Variants in AK5 observed in about 807,000 individuals in gnomAD.
AK5 encodes adenylate kinase isoenzyme 5.
AK5 carries 27 observed loss-of-function variants against 69.5 expected under a neutral mutation model. That is an observed-to-expected ratio of 0.39 (90% CI 0.29 to 0.54). The LOEUF (loss-of-function observed/expected upper bound fraction) is 0.54. AK5 is among the 20% of genes least tolerant of loss of function. The pLI is 0.71. For missense variants in AK5, 531 were observed against 700.4 expected, an observed-to-expected ratio of 0.76 and a Z score of 2.73; for synonymous variants, 260 against 244.4, an observed-to-expected ratio of 1.06 and a Z score of -0.60.
intron 6 of AK5, among the ~76,000 whole-genome samples, chr1:77,368,245 A>ATATTATATATATATGTTATATATAT (rs1553140333): frequency 1.5e-5 from 1 of 67,906 alleles, no homozygotes; most frequent in Non-Finnish European, 2.9e-5. Flanking sequence ...ATATATATAT[A>ATATTATATATATATGTTATATATAT]TATATATAAT....
chr1:77,387,312 G>A (rs17100509), intron 6 of AK5, among the ~76,000 whole-genome samples: 10,214 of 152,254 alleles, frequency 0.067, 447 homozygotes, highest in East Asian at 0.16. Flanking sequence ...ATTGGCAATG[G>A]AAAGGAGGAA....
At chr1:77,303,582 C>G (rs11162313) in intron 5 of AK5, among the ~76,000 whole-genome samples, 1 of 152,184 alleles carries the variant, frequency 6.6e-6, no homozygotes, top group Non-Finnish European at 1.5e-5. Flanking sequence ...CACTTCCTGT[C>G]GCCACTGCGA....
intron 13 of AK5, among the ~76,000 whole-genome samples, chr1:77,554,420 T>C (rs914855149): frequency 2.6e-5 from 4 of 152,096 alleles, no homozygotes; most frequent in Non-Finnish European, 5.9e-5. Flanking sequence ...GAACCAGACC[T>C]GGAGGTTATC....
Position 77,313,846 on chromosome 1 carries a change from T to TA in AK5, c.699+15900dup, listed in dbSNP as rs777114052. 48 of 533,044 alleles carry TA rather than the reference T, an allele frequency of 9.0e-5. No homozygotes were observed. In the Admixed American group the frequency reaches 9.3e-4, roughly 10 times the overall value. The allele number at this position is 533,044 out of a possible 1,614,324, so 33.0% of individuals were successfully genotyped here. On this transcript the variant is annotated intron_variant, in intron 5 of 13. Transcript: ENST00000354567. ...GCCTGTGCAGTCAGATCCTCTCCCT[T>TA]ACGCTGCTCCCTGCGGGGTATGTCC...
At chr1:77,434,684 A>G (rs1364138521) in intron 8 of AK5, among the ~76,000 whole-genome samples, 1 of 152,224 alleles carries the variant, frequency 6.6e-6, no homozygotes, top group East Asian at 1.9e-4. Context: ...AGGAACTTAC[A>G]AAAATCTTCA....
Position 77,297,585 on chromosome 1 carries a change from C to CA in AK5, c.443dup (p.Ser149GlufsTer30). On this transcript the variant is annotated frameshift_variant, in exon 4 of 14. Coordinates refer to ENST00000354567, the MANE Select transcript of AK5 (RefSeq NM_174858.3). LOFTEE classifies it high-confidence loss of function. ...TGGTCCAGGAAGTGGAAAGGGTACT[C>CA]AGAGTTTGAAAATTGCAGAACGATA... 1 of 1,610,786 alleles carries CA rather than the reference C, an allele frequency of 6.2e-7. No homozygotes were observed. Among genetic ancestry groups the CA allele is most frequent in the East Asian group, 2.2e-5 (1 of 44,826 alleles).
intron 6 of AK5, among the ~76,000 whole-genome samples, chr1:77,363,380 T>C (rs1478274658): frequency 1.3e-5 from 2 of 152,238 alleles, no homozygotes; most frequent in African/African-American, 4.8e-5. Context: ...TACTGGATTC[T>C]TGCCGTGGCC....
At chr1:77,531,804 G>A (rs892045172) in intron 12 of AK5, among the ~76,000 whole-genome samples, 3 of 151,586 alleles carry the variant, frequency 2.0e-5, no homozygotes, top group Non-Finnish European at 4.4e-5. Flanking sequence ...GTGGAGCAGG[G>A]GGCTGCGCTC....
chr1:77,420,428 T>G (rs1650732249), intron 8 of AK5: 1 of 150,684 alleles, frequency 6.6e-6, no homozygotes, highest in Non-Finnish European at 1.5e-5. Context: ...GAAAATGCAG[T>G]TACTATAAAG....
Position 77,559,547 on chromosome 1 carries a change from ATTT to A in AK5, c.*878_*880del, listed in dbSNP as rs1660328900. The A allele has an allele frequency of 4.9e-5, 1 of 20,294 alleles. No individual in the cohort carries two copies. 1.3% of individuals were successfully genotyped at this position (20,294 alleles called of 1,614,324 possible). On this transcript the variant is annotated 3_prime_UTR_variant, in exon 14 of 14. Transcript: ENST00000354567. ...TTTGATTTTAAATGGTCACCCATGTATTTATTTGTTGCCAAGCAAGTAAAAAAA... is the reference window on the plus strand; with the variant it reads ...TTTGATTTTAAATGGTCACCCATGTAATTTGTTGCCAAGCAAGTAAAAAAA...
At chr1:77,286,022 A>G (rs1376318570) in intron 1 of AK5, among the ~76,000 whole-genome samples, 2 of 152,154 alleles carry the variant, frequency 1.3e-5, no homozygotes, top group East Asian at 1.9e-4. Context: ...AATGACAAGT[A>G]TGATGTTTTA....
At chr1:77,429,775 A>G (rs1358325228) in intron 8 of AK5, among the ~76,000 whole-genome samples, 1 of 152,176 alleles carries the variant, frequency 6.6e-6, no homozygotes, top group African/African-American at 2.4e-5. Context: ...AGATTCTTGA[A>G]TTGAGATCTG....
intron 8 of AK5, among the ~76,000 whole-genome samples, chr1:77,457,342 T>C (rs2100668709): frequency 6.6e-6 from 1 of 152,316 alleles, no homozygotes; most frequent in South Asian, 2.1e-4. Context: ...TTGCTCATTT[T>C]CTACCCTCTG....
chr1:77,302,941 C>T (rs1659423861), intron 5 of AK5, among the ~76,000 whole-genome samples: 1 of 152,086 alleles, frequency 6.6e-6, no homozygotes, highest in African/African-American at 2.4e-5. Flanking sequence ...ATCAATTTTC[C>T]ATCCTAAAAT....
At chr1:77,485,096 A>G (rs2100726173) in intron 9 of AK5, among the ~76,000 whole-genome samples, 1 of 152,370 alleles carries the variant, frequency 6.6e-6, no homozygotes, top group East Asian at 1.9e-4. Flanking sequence ...CTGGTTCCAC[A>G]TGTTAGGAAC....
intron 13 of AK5, among the ~76,000 whole-genome samples, chr1:77,554,755 G>A (rs1209675146): frequency 4.8e-5 from 7 of 147,206 alleles, no homozygotes; most frequent in Non-Finnish European, 8.9e-5. Flanking sequence ...ACAGGCGCCC[G>A]CCACCATGCC....
rs542225675 is a variant in AK5 at position 77,531,024 on chromosome 1, G to A, written c.1429-4823G>A. ...CAAGGATGAGTGTGGTCCTGTGTCC[G>A]GAAATGGTGGGTTCTTGGTCTCACT... On this transcript the variant is annotated intron_variant, in intron 12 of 13. Coordinates refer to ENST00000354567, the MANE Select transcript of AK5 (RefSeq NM_174858.3). 7.7e-4 allele frequency among the ~76,000 whole-genome samples: 117 copies of A among 152,216 alleles called. 1 individual carries two copies. Among genetic ancestry groups the A allele is most frequent in the African/African-American group, 2.7e-3 (111 of 41,532 alleles).
intron 6 of AK5, among the ~76,000 whole-genome samples, chr1:77,363,222 C>A (rs1400346965): frequency 6.6e-6 from 1 of 152,148 alleles, no homozygotes; most frequent in Non-Finnish European, 1.5e-5. Flanking sequence ...GTTGGTGGCA[C>A]CTCTATCCTT....
At chr1:77,469,024 T>C (rs760094595) in intron 8 of AK5, among the ~76,000 whole-genome samples, 12 of 152,238 alleles carry the variant, frequency 7.9e-5, no homozygotes, top group South Asian at 2.1e-4. Context: ...GATTTTCGAA[T>C]ATTGTTTCAA....
Sources: allele counts gnomAD v4.1 joint callset (sites outside exome capture counted in the v4.1 genomes callset), GRCh38; gene constraint gnomAD v4.1.1; transcripts MANE v1.5; gene names NCBI Gene and HGNC (gene_info 2026-07-23, HGNC 2026-07-21).